The following LAMB1 variants were observed in gnomAD, a reference collection of about 807,000 sequenced individuals.
LAMB1 encodes the protein laminin subunit beta 1.
Under a neutral mutation model 222.3 loss-of-function variants are expected in LAMB1, and 121 were observed. The observed-to-expected ratio is 0.54, with a 90% CI of 0.47 to 0.63. LAMB1 has a LOEUF of 0.63. LAMB1 is among the 30% of genes least tolerant of loss of function. The probability of loss-of-function intolerance (pLI) is 0.00; values close to 1 mark genes in which losing one functional copy is unlikely to be tolerated. For synonymous variants in LAMB1, 794 were observed against 807.2 expected, an observed-to-expected ratio of 0.98 and a Z score of 0.28; for missense variants, 2,172 against 2,240.8, an observed-to-expected ratio of 0.97 and a Z score of 0.62.
intron 24 of LAMB1, among the ~76,000 whole-genome samples, chr7:107,949,219 C>G (rs1355390663): frequency 2.6e-5 from 4 of 152,088 alleles, no homozygotes; most frequent in East Asian, 1.9e-4. Flanking sequence ...GATTTAGAGG[C>G]GAAAGTTTAA....
chr7:107,938,503 G>GA (rs903949157), intron 25 of LAMB1, among the ~76,000 whole-genome samples: 1 of 151,422 alleles, frequency 6.6e-6, no homozygotes, highest in Non-Finnish European at 1.5e-5. Context: ...ATAGTATGTT[G>GA]AAAAAAAAGA....
At chr7:107,955,142 G>T (rs2033347646) in intron 21 of LAMB1, among the ~76,000 whole-genome samples, 1 of 152,120 alleles carries the variant, frequency 6.6e-6, no homozygotes, top group African/African-American at 2.4e-5. Flanking sequence ...AGATACTTTT[G>T]CTAGGAGTTG....
intron 20 of LAMB1, among the ~76,000 whole-genome samples, chr7:107,956,598 TAC>T (rs1313333401): frequency 6.6e-6 from 1 of 152,216 alleles, no homozygotes; most frequent in East Asian, 1.9e-4. Flanking sequence ...CTCCTTGTAT[TAC>T]AGAGTCTGTC....
chr7:107,964,725 G>T, intron 13 of LAMB1, 38 bp from the exon 14 acceptor site: 1 of 1,608,682 alleles, frequency 6.2e-7, no homozygotes, highest in Non-Finnish European at 8.5e-7. Context: ...TGAGTTCATG[G>T]TCACGCGAGT....
At chr7:107,948,893 A>G (rs1430422098) in intron 24 of LAMB1, among the ~76,000 whole-genome samples, 1 of 152,148 alleles carries the variant, frequency 6.6e-6, no homozygotes, top group African/African-American at 2.4e-5. Flanking sequence ...CTAAATTTCT[A>G]TGATTATCTT....
chr7:107,949,879 G>A (rs1023341314), intron 24 of LAMB1, among the ~76,000 whole-genome samples: 2 of 152,162 alleles, frequency 1.3e-5, no homozygotes, highest in African/African-American at 4.8e-5. Flanking sequence ...CCAACTTGAA[G>A]ATCTGTATTA....
chr7:107,952,648 G>T (rs930663393), intron 22 of LAMB1, among the ~76,000 whole-genome samples: 1 of 152,162 alleles, frequency 6.6e-6, no homozygotes, highest in African/African-American at 2.4e-5. Context: ...AGCTACTAAG[G>T]CTTTTAAGGA....
rs2032816386 is a variant in LAMB1 at position 107,935,343 on chromosome 7, C to CTTTTTTTTTTTTTT, written c.4188+71_4188+72insAAAAAAAAAAAAAA. The CTTTTTTTTTTTTTT allele has an allele frequency of 2.9e-6, 4 of 1,371,970 alleles. No individual in the cohort carries two copies. The African/African-American group carries it at 9.6e-5, about 33-fold the overall frequency. The allele number at this position is 1,371,970 out of a possible 1,614,324, so 85.0% of individuals were successfully genotyped here. On this transcript the variant is annotated intron_variant, in intron 27 of 33. Coordinates refer to ENST00000222399, the MANE Select transcript of LAMB1 (RefSeq NM_002291.3). ...TAATGACAAAAGATGGTTTGTTTTT[C>CTTTTTTTTTTTTTT]TTTGTTTTTTTTTTTTTTTTTTTTT...
chr7:107,935,213 T>C (rs2116336845), intron 27 of LAMB1: 1 of 682,216 alleles, frequency 1.5e-6, no homozygotes, highest in Non-Finnish European at 2.4e-6. Flanking sequence ...GAAACCCATA[T>C]GCTGCTGCTT....
intron 5 of LAMB1, among the ~76,000 whole-genome samples, chr7:107,988,656 T>G (rs2034126639): frequency 6.6e-6 from 1 of 152,108 alleles, no homozygotes; most frequent in Admixed American, 6.5e-5. Flanking sequence ...TCACTAGATG[T>G]GGAGATGGGC....
In LAMB1 at chr7:107,964,689, TG is replaced by T. The variant is rs759294326; in HGVS notation, c.1563-3del. On this transcript the variant is annotated splice_region_variant and splice_polypyrimidine_tract_variant and intron_variant, in intron 13 of 33. Coordinates refer to ENST00000222399, the MANE Select transcript of LAMB1 (RefSeq NM_002291.3). ...CACTGGCCTGACTCCGCAAAGCAACTGGAAGGGAGGAGGAGCCACATCAGCT... is the reference window on the plus strand; with the variant it reads ...CACTGGCCTGACTCCGCAAAGCAACTGAAGGGAGGAGGAGCCACATCAGCT... 17 of 1,613,822 alleles carry T rather than the reference TG, an allele frequency of 1.1e-5. No individual in the cohort carries two copies. Among genetic ancestry groups the T allele is most frequent in the Non-Finnish European group, 1.2e-5 (14 of 1,179,970 alleles).
chr7:107,972,991 C>T lies in LAMB1; in HGVS notation c.1562+1G>A. On this transcript the variant is annotated splice_donor_variant, in intron 13 of 33. Transcript: ENST00000222399. LOFTEE classifies it high-confidence loss of function. Reference sequence around the variant, plus strand: ...AAGAGCATACGTAGAGCTCCATTTACCTGTTGTTTAAGGCTCCCCCAAGGT... The same window carrying T: ...AAGAGCATACGTAGAGCTCCATTTATCTGTTGTTTAAGGCTCCCCCAAGGT... 6.2e-7 allele frequency: 1 copy of T among 1,611,400 alleles called. No homozygotes were observed. The highest frequency in any genetic ancestry group is 8.5e-7 in the Non-Finnish European group (1 of 1,177,552).
intron 4 of LAMB1, 28 bp downstream of exon 4, chr7:107,998,329 G>C (rs372219932): frequency 3.1e-6 from 5 of 1,611,580 alleles, no homozygotes; most frequent in Admixed American, 3.3e-5. Flanking sequence ...CACACTCAAC[G>C]GAACTTGTCC....
intron 31 of LAMB1, among the ~76,000 whole-genome samples, chr7:107,927,492 C>T (rs1002531079): frequency 3.3e-5 from 5 of 152,142 alleles, no homozygotes; most frequent in Non-Finnish European, 5.9e-5. Flanking sequence ...GGCTGGAGTG[C>T]AGTGACTGTT....
chr7:108,002,471 A>T, intron 2 of LAMB1: 2 of 1,263,242 alleles, frequency 1.6e-6, no homozygotes, highest in East Asian at 4.2e-5. Flanking sequence ...CGCTCAGCTC[A>T]GGCACTCTCC....
chr7:108,000,350 GCTTT>G (rs2034358918), intron 3 of LAMB1, among the ~76,000 whole-genome samples: 1 of 152,120 alleles, frequency 6.6e-6, no homozygotes. Flanking sequence ...TCCAGAATGG[GCTTT>G]CTGCTTTGTA....
intron 25 of LAMB1, among the ~76,000 whole-genome samples, chr7:107,937,536 G>C (rs557945143): frequency 1.6e-4 from 25 of 152,190 alleles, no homozygotes; most frequent in South Asian, 4.1e-4. Flanking sequence ...CCATTTAAGG[G>C]ATTCCAAATT....
intron 27 of LAMB1, among the ~76,000 whole-genome samples, chr7:107,933,304 A>G (rs2032756611): frequency 6.6e-6 from 1 of 152,254 alleles, no homozygotes; most frequent in Non-Finnish European, 1.5e-5. Flanking sequence ...AGTTAACAGA[A>G]TATTCCCAAA....
At chr7:107,943,583 CA>C (rs2033044733) in intron 24 of LAMB1, among the ~76,000 whole-genome samples, 1 of 151,436 alleles carries the variant, frequency 6.6e-6, no homozygotes, top group Admixed American at 6.6e-5. Flanking sequence ...GGGTAGGTAT[CA>C]GAATCACCTG....
Sources: allele counts gnomAD v4.1 joint callset (sites outside exome capture counted in the v4.1 genomes callset), GRCh38; gene constraint gnomAD v4.1.1; transcripts MANE v1.5; gene names NCBI Gene and HGNC (gene_info 2026-07-23, HGNC 2026-07-21).